Variants in DLG5 observed in about 807,000 individuals in gnomAD.
DLG5 encodes discs large MAGUK scaffold protein 5.
A neutral mutation model predicts 189.8 loss-of-function variants in DLG5; 48 were observed. That is an observed-to-expected ratio of 0.25 (90% CI 0.20 to 0.32). The LOEUF is 0.32. Ranked by LOEUF, DLG5 falls within the 10% of genes least tolerant of loss-of-function variation. The probability of loss-of-function intolerance (pLI) is 1.00; values close to 1 mark genes in which losing one functional copy is unlikely to be tolerated. For synonymous variants in DLG5, 1,016 were observed against 1,054.1 expected (o/e 0.96, Z 0.70); for missense variants, 2,160 against 2,544.7 (o/e 0.85, Z 3.25).
intron 1 of DLG5, among the ~76,000 whole-genome samples, chr10:77,902,582 C>G (rs116816307): frequency 6.6e-6 from 1 of 152,152 alleles, no homozygotes; most frequent in Non-Finnish European, 1.5e-5. Flanking sequence ...CATTGAGGGC[C>G]GGGCGCGGTG....
At chr10:77,857,674 T>C (rs1844301570) in intron 2 of DLG5, among the ~76,000 whole-genome samples, 1 of 152,208 alleles carries the variant, frequency 6.6e-6, no homozygotes, top group African/African-American at 2.4e-5. Context: ...CCACCTCTGA[T>C]AAGATCCAAA....
chr10:77,857,654 G>A (rs930391670), intron 2 of DLG5, among the ~76,000 whole-genome samples: 2 of 152,220 alleles, frequency 1.3e-5, no homozygotes, highest in Non-Finnish European at 2.9e-5. Flanking sequence ...AACAGCCACC[G>A]CTGCCACCAC....
intron 16 of DLG5, 22 bp downstream of exon 16, chr10:77,819,873 A>C (rs769280019): frequency 1.6e-5 from 25 of 1,535,082 alleles, no homozygotes; most frequent in Non-Finnish European, 2.1e-5. Context: ...CCTCAGCCCC[A>C]GCCCCTGGCT....
intron 13 of DLG5, among the ~76,000 whole-genome samples, chr10:77,825,374 C>CACACACACACACACACACACACA (rs1554816035): frequency 1.5e-5 from 2 of 130,816 alleles, no homozygotes. Context: ...CCACACACAA[C>CACACACACACACACACACACACA]CACACACACA....
At position 77,804,144 on chromosome 10, in the gene DLG5, G is replaced by A. The variant is rs567605051; in HGVS notation, c.5164+1521C>T. Among the ~76,000 whole-genome samples, 11 of 152,126 alleles carry A rather than the reference G, an allele frequency of 7.2e-5. No homozygotes were observed. The South Asian group carries it at 1.2e-3, about 17-fold the overall frequency. The stretch of plus-strand genomic sequence containing the variant: ...CTGCCTCAAGTGATCCACCCACCTC[G>A]GCTTCCCAAAGTGCTGGGATTACAG... On this transcript the variant is annotated intron_variant, in intron 27 of 31. Coordinates refer to ENST00000372391, the MANE Select transcript of DLG5 (RefSeq NM_004747.4).
chr10:77,865,531 T>G (rs1205335528), intron 2 of DLG5, among the ~76,000 whole-genome samples: 3 of 152,224 alleles, frequency 2.0e-5, no homozygotes, highest in Non-Finnish European at 2.9e-5. Flanking sequence ...TAAGGCTGGC[T>G]TTATAAGTGC....
the DLG5 span, among the ~76,000 whole-genome samples, chr10:77,939,605 A>C: frequency 1.3e-5 from 2 of 152,218 alleles, no homozygotes; most frequent in East Asian, 3.9e-4. Context: ...AAGTGATGAA[A>C]TCAACCACCT....
At chr10:77,894,888 C>T (rs1276773271) in intron 1 of DLG5, among the ~76,000 whole-genome samples, 1 of 152,146 alleles carries the variant, frequency 6.6e-6, no homozygotes, top group Non-Finnish European at 1.5e-5. Flanking sequence ...GGTCTTGTAC[C>T]GGTCTCTGTT....
chr10:77,827,056 T>C (rs1252390461), intron 13 of DLG5, among the ~76,000 whole-genome samples: 2 of 152,170 alleles, frequency 1.3e-5, no homozygotes, highest in Non-Finnish European at 2.9e-5. Flanking sequence ...TGTACATGTT[T>C]TGAAAGTGTC....
Position 77,821,886 on chromosome 10 carries a change from G to A in DLG5, c.2598C>T (p.Ser866=). Residue 866 remains serine (S), a synonymous_variant, in exon 15 of 32, where the codon TCC becomes TCT. Transcript: ENST00000372391. The stretch of plus-strand genomic sequence containing the variant: ...CCCCAGGGAATGGCTTATGCAGAAA[G>A]GAGCTGCTGCCTCCTGGGGGGCCTG... ...KEPGPPGGSS[S]FLHKPFPGGP... The A allele has an allele frequency of 6.2e-7, 1 of 1,614,210 alleles. No homozygotes were observed. Among genetic ancestry groups the A allele is most frequent in the Non-Finnish European group, 8.5e-7 (1 of 1,180,046 alleles).
In DLG5 at chr10:77,795,920, G is replaced by A. The variant is rs957937804; in HGVS notation, c.5436+141C>T. The A allele has an allele frequency of 1.0e-5, 13 of 1,277,744 alleles. No homozygotes were observed. The East Asian group carries it at 2.8e-4, about 27-fold the overall frequency. The allele number at this position is 1,277,744 out of a possible 1,614,324, so 79.2% of individuals were successfully genotyped here. A position where few individuals can be genotyped will look rare whatever the true frequency, so the allele number is the denominator to read the frequency against. On this transcript the variant is annotated intron_variant, in intron 29 of 31. Transcript: ENST00000372391. ...AGCCATGAGGGCAAGCCCAGGCACAGGTGAACTCAGACTAACACAACACGG... is the reference window on the plus strand; with the variant it reads ...AGCCATGAGGGCAAGCCCAGGCACAAGTGAACTCAGACTAACACAACACGG...
Position 77,867,876 on chromosome 10 carries a change from C to T in DLG5, c.373+1253G>A, listed in dbSNP as rs185506478. ...TCAATTTAAGATGAGGTCTTGCTGC[C>T]GTAAGGCAGGCTCCTAGGCCAATCT... On this transcript the variant is annotated intron_variant, in intron 2 of 31. Transcript: ENST00000372391. 510 of 452,796 alleles carry T rather than the reference C, an allele frequency of 1.1e-3. 6 individuals carry two copies. In the Admixed American group the frequency reaches 0.011, roughly 10 times the overall value. 28.0% of individuals were successfully genotyped at this position (452,796 alleles called of 1,614,324 possible).
At chr10:77,820,182 C>T in intron 15 of DLG5, 164 bp from the exon 16 acceptor site, 1 of 928,038 alleles carries the variant, frequency 1.1e-6, no homozygotes, top group Non-Finnish European at 1.5e-6. Flanking sequence ...CCCGTCTCTA[C>T]CAAAAATACA....
At chr10:77,815,800 C>T (rs908341866) in intron 20 of DLG5, among the ~76,000 whole-genome samples, 1 of 152,058 alleles carries the variant, frequency 6.6e-6, no homozygotes, top group African/African-American at 2.4e-5. Flanking sequence ...TTTATCAGAG[C>T]TCTTTAAGAT....
chr10:77,907,454 C>G (rs1846099464), intron 1 of DLG5, among the ~76,000 whole-genome samples: 2 of 152,248 alleles, frequency 1.3e-5, no homozygotes, highest in African/African-American at 4.8e-5. Context: ...TGGCATGCAC[C>G]TATAGTTGCA....
intron 15 of DLG5, chr10:77,820,487 C>T (rs185350399): frequency 1.8e-4 from 29 of 163,820 alleles, no homozygotes; most frequent in Admixed American, 1.4e-3. Context: ...TGTTGCCTTA[C>T]ACATCTTCAA....
chr10:77,936,133 C>T, the DLG5 span, among the ~76,000 whole-genome samples: 6 of 152,104 alleles, frequency 3.9e-5, no homozygotes, highest in Non-Finnish European at 5.9e-5. Context: ...AGGCAAATAT[C>T]CCAGGATTTT....
intron 2 of DLG5, among the ~76,000 whole-genome samples, chr10:77,862,895 G>GT (rs1000618005): frequency 2.0e-5 from 3 of 152,178 alleles, no homozygotes; most frequent in African/African-American, 7.2e-5. Context: ...AAAGAGATGA[G>GT]TGGCTGCCAA....
At chr10:77,799,686 G>A (rs758547069) in intron 27 of DLG5, among the ~76,000 whole-genome samples, 9 of 152,064 alleles carry the variant, frequency 5.9e-5, no homozygotes, top group Non-Finnish European at 1.3e-4. Flanking sequence ...ATAGCTCATC[G>A]CAGCACTGTA....
Sources: allele counts gnomAD v4.1 joint callset (sites outside exome capture counted in the v4.1 genomes callset), GRCh38; gene constraint gnomAD v4.1.1; transcripts MANE v1.5; gene names NCBI Gene and HGNC (gene_info 2026-07-23, HGNC 2026-07-21).